Variants in RARB observed in about 807,000 individuals in gnomAD.
RARB encodes the protein retinoic acid receptor beta, also known as HBV-activated protein.
Under a neutral mutation model 51.9 loss-of-function variants are expected in RARB, and 17 were observed. The observed-to-expected ratio is 0.33, with a 90% CI of 0.22 to 0.49. The LOEUF (loss-of-function observed/expected upper bound fraction) is 0.49. Ranked by LOEUF, RARB falls within the 20% of genes least tolerant of loss-of-function variation. The pLI, the probability that RARB is intolerant of heterozygous loss-of-function variation, is 0.99. For missense variants in RARB, 369 were observed against 550.8 expected (o/e 0.67, Z 3.30); for synonymous variants, 215 against 195.4 (o/e 1.10, Z -0.84).
At chr3:25,106,696 T>C (rs1230165496) in intron 3 of RARB, among the ~76,000 whole-genome samples, 1 of 151,780 alleles carries the variant, frequency 6.6e-6, no homozygotes, top group Non-Finnish European at 1.5e-5. Context: ...AATATTCACA[T>C]GCATATTGTA....
At chr3:24,905,816 C>T (rs1398239811) in intron 2 of RARB, among the ~76,000 whole-genome samples, 1 of 152,136 alleles carries the variant, frequency 6.6e-6, no homozygotes, top group Non-Finnish European at 1.5e-5. Flanking sequence ...TGATTAATAC[C>T]TACTTACATA....
chr3:25,548,840 C>G (rs947518015), intron 3 of RARB, among the ~76,000 whole-genome samples: 2 of 151,924 alleles, frequency 1.3e-5, no homozygotes, highest in African/African-American at 4.8e-5. Flanking sequence ...AAATTTTTTC[C>G]AATATCCATT....
At chr3:24,888,410 T>C (rs974375924) in intron 2 of RARB, among the ~76,000 whole-genome samples, 2 of 152,150 alleles carry the variant, frequency 1.3e-5, no homozygotes, top group African/African-American at 2.4e-5. Context: ...TTTTATTCTT[T>C]TTTTATTTTT....
At chr3:24,983,146 A>T (rs150631410) in intron 2 of RARB, among the ~76,000 whole-genome samples, 1 of 152,324 alleles carries the variant, frequency 6.6e-6, no homozygotes, top group Admixed American at 6.5e-5. Context: ...CACATGTGCT[A>T]GTGAGCATTT....
Position 25,126,829 on chromosome 3 carries a change from A to G in RARB, c.-327-5332A>G, listed in dbSNP as rs1050875615. 2.0e-5 allele frequency among the ~76,000 whole-genome samples: 3 copies of G among 152,174 alleles called. No individual in the cohort carries two copies. In the East Asian group the frequency reaches 5.8e-4, roughly 29 times the overall value. ...CTAGAGTCTCTCACTTGAATTACTC[A>G]GCATGTGTTTTCTTTTATCTGAGAA... On this transcript the variant is annotated intron_variant, in intron 3 of 11. Coordinates refer to the RARB transcript ENST00000383772.
chr3:25,343,837 G>A (rs559942659), intron 5 of RARB, among the ~76,000 whole-genome samples: 57 of 152,266 alleles, frequency 3.7e-4, no homozygotes, highest in African/African-American at 1.3e-3. Context: ...GTTTTCGATC[G>A]TAAGTCTTGT....
At chr3:24,864,699 G>A (rs970942373) in intron 2 of RARB, among the ~76,000 whole-genome samples, 3 of 143,218 alleles carry the variant, frequency 2.1e-5, no homozygotes, top group African/African-American at 5.3e-5. Flanking sequence ...TTGGAATATG[G>A]CCACAGCTAT....
chr3:24,900,059 T>C (rs1250042530), intron 2 of RARB, among the ~76,000 whole-genome samples: 2 of 152,238 alleles, frequency 1.3e-5, no homozygotes, highest in African/African-American at 2.4e-5. Flanking sequence ...ATTGATGTTA[T>C]AAGTGTCATG....
chr3:25,488,735 C>T (rs147531591), intron 2 of RARB, among the ~76,000 whole-genome samples: 1 of 152,314 alleles, frequency 6.6e-6, no homozygotes, highest in East Asian at 1.9e-4. Flanking sequence ...CAGCTTTTCA[C>T]TCAAGATATA....
At chr3:25,050,895 C>CAT (rs1269411905) in intron 2 of RARB, among the ~76,000 whole-genome samples, 1 of 152,046 alleles carries the variant, frequency 6.6e-6, no homozygotes, top group African/African-American at 2.4e-5. Context: ...GTTGACCATC[C>CAT]ACTCCTCTTC....
chr3:25,066,348 C>G (rs1325565857), intron 3 of RARB, among the ~76,000 whole-genome samples: 1 of 152,186 alleles, frequency 6.6e-6, no homozygotes, highest in Admixed American at 6.5e-5. Flanking sequence ...TTCAGGAGAG[C>G]ATGTGTTACT....
At position 25,218,145 on chromosome 3, in the gene RARB, A is replaced by G. The variant is rs77145838; in HGVS notation, c.178+43570A>G. 7.0e-3 allele frequency among the ~76,000 whole-genome samples: 1,063 copies of G among 152,292 alleles called. 9 individuals carry two copies. Among genetic ancestry groups the G allele is most frequent in the African/African-American group, 0.023 (957 of 41,562 alleles). Reference sequence around the variant, plus strand: ...CAAACCAGCTCCTCTAGCTTTTGAAAGGATGCCCTTAGCTACAGTGCTGTG... The same window carrying G: ...CAAACCAGCTCCTCTAGCTTTTGAAGGGATGCCCTTAGCTACAGTGCTGTG... On this transcript the variant is annotated intron_variant, in intron 5 of 11. Transcript: ENST00000383772.
At chr3:24,885,744 C>T (rs184726021) in intron 2 of RARB, among the ~76,000 whole-genome samples, 73 of 152,140 alleles carry the variant, frequency 4.8e-4, no homozygotes, top group African/African-American at 1.6e-3. Flanking sequence ...GAAGAAAATT[C>T]TCTTTAAAGC....
chr3:25,305,092 C>T (rs1704124584), intron 5 of RARB, among the ~76,000 whole-genome samples: 1 of 152,130 alleles, frequency 6.6e-6, no homozygotes, highest in Admixed American at 6.5e-5. Context: ...GAGAGCCCAT[C>T]CTCTACACCA....
At chr3:25,428,018 A>G (rs1226224496), upstream of RARB, among the ~76,000 whole-genome samples, 3 of 152,184 alleles carry the variant, frequency 2.0e-5, no homozygotes, top group Admixed American at 6.5e-5. Flanking sequence ...TCCCCTGCTC[A>G]TTTTAAAAGC....
intron 3 of RARB, among the ~76,000 whole-genome samples, chr3:25,567,903 C>A (rs1471308287): frequency 1.3e-5 from 2 of 152,170 alleles, no homozygotes; most frequent in Admixed American, 6.5e-5. Flanking sequence ...CAGACTCCAT[C>A]CTCACGGAGA....
chr3:25,127,148 A>T (rs1039565216), intron 3 of RARB, among the ~76,000 whole-genome samples: 3 of 152,080 alleles, frequency 2.0e-5, no homozygotes, highest in Non-Finnish European at 4.4e-5. Context: ...AAGAGTATAA[A>T]CTGAACTATG....
intron 5 of RARB, among the ~76,000 whole-genome samples, chr3:25,331,391 A>G (rs1704891057): frequency 6.6e-6 from 1 of 152,246 alleles, no homozygotes; most frequent in African/African-American, 2.4e-5. Context: ...CAGCTCAACT[A>G]CATGGAAACT....
At chr3:25,062,955 A>G (rs1285375003) in intron 3 of RARB, among the ~76,000 whole-genome samples, 5 of 152,030 alleles carry the variant, frequency 3.3e-5, no homozygotes, top group South Asian at 2.1e-4. Context: ...TTAAATGCAC[A>G]TGTTCAAAAC....
Sources: allele counts gnomAD v4.1 joint callset (sites outside exome capture counted in the v4.1 genomes callset), GRCh38; gene constraint gnomAD v4.1.1; transcripts MANE v1.5; gene names NCBI Gene and HGNC (gene_info 2026-07-23, HGNC 2026-07-21).